WDFY3: variants seen among roughly 807,000 people sequenced by gnomAD.
WDFY3 encodes the protein WD repeat and FYVE domain containing 3.
A neutral mutation model predicts 409.6 loss-of-function variants in WDFY3; 66 were observed. The observed-to-expected ratio is 0.16, with a 90% confidence interval of 0.13 to 0.20. WDFY3 has a LOEUF of 0.20. WDFY3 is among the 10% of genes least tolerant of loss of function. WDFY3 has a pLI of 1.00. For synonymous variants in WDFY3, 1,521 were observed against 1,537.1 expected, an observed-to-expected ratio of 0.99 and a Z score of 0.25; for missense variants, 3,031 against 4,298.1, an observed-to-expected ratio of 0.71 and a Z score of 8.24.
intron 1 of WDFY3, among the ~76,000 whole-genome samples, chr4:84,932,772 G>A (rs1770923908): frequency 6.6e-6 from 1 of 152,110 alleles, no homozygotes; most frequent in African/African-American, 2.4e-5. Context: ...ATTTCTCTAG[G>A]TGTATTTTTC....
intron 30 of WDFY3, among the ~76,000 whole-genome samples, chr4:84,771,769 G>A (rs1220983880): frequency 1.3e-5 from 2 of 152,194 alleles, no homozygotes; most frequent in Non-Finnish European, 2.9e-5. Context: ...TTCAATAAGT[G>A]TTATTCATTG....
intron 5 of WDFY3, among the ~76,000 whole-genome samples, chr4:84,847,923 T>A (rs1407089224): frequency 1.4e-5 from 2 of 144,494 alleles, no homozygotes; most frequent in Admixed American, 6.8e-5. Context: ...AAAAATATAA[T>A]GTCACAAATG....
intron 1 of WDFY3, among the ~76,000 whole-genome samples, chr4:84,938,006 C>A (rs982033863): frequency 6.6e-6 from 1 of 152,056 alleles, no homozygotes; most frequent in Non-Finnish European, 1.5e-5. Flanking sequence ...TGCTTTGGGG[C>A]CATTATTAAG....
chr4:84,764,626 C>T (rs188565450), intron 32 of WDFY3, among the ~76,000 whole-genome samples: 12 of 151,950 alleles, frequency 7.9e-5, no homozygotes, highest in African/African-American at 2.7e-4. Flanking sequence ...CTTTAGGAGG[C>T]GAAGGCGGGT....
intron 7 of WDFY3, among the ~76,000 whole-genome samples, chr4:84,833,721 G>GAGAAGGGAAC (rs1756139776): frequency 6.6e-6 from 1 of 150,386 alleles, no homozygotes; most frequent in Non-Finnish European, 1.5e-5. Flanking sequence ...CAGAACAGAA[G>GAGAAGGGAAC]AGAACAGAAG....
At chr4:84,824,320 T>G (rs763325170) in intron 10 of WDFY3, among the ~76,000 whole-genome samples, 1 of 152,180 alleles carries the variant, frequency 6.6e-6, no homozygotes. Context: ...ATTTTACTAT[T>G]ATTGTTGTTA....
intron 4 of WDFY3, among the ~76,000 whole-genome samples, chr4:84,855,822 T>C (rs1436476354): frequency 6.6e-6 from 1 of 152,214 alleles, no homozygotes; most frequent in Non-Finnish European, 1.5e-5. Flanking sequence ...ATTTATCTTA[T>C]GCTCTTTTTG....
intron 3 of WDFY3, among the ~76,000 whole-genome samples, chr4:84,888,086 C>T (rs1764462582): frequency 6.6e-6 from 1 of 152,170 alleles, no homozygotes. Context: ...ATGTTACATA[C>T]ATGTAACTAC....
In WDFY3 at chr4:84,809,945, G is replaced by A. The variant is rs201578179; in HGVS notation, c.2287C>T (p.Arg763Trp). 65 of 1,614,094 alleles carry A rather than the reference G, an allele frequency of 4.0e-5. No individual in the cohort carries two copies. Among genetic ancestry groups the A allele is most frequent in the African/African-American group, 6.7e-5 (5 of 75,014 alleles). The change falls in exon 14 of 68, where the codon CGG (arginine) becomes TGG (tryptophan). Residue 763 changes from arginine (R) to tryptophan (W), a missense_variant. Physicochemically the swap from Arg to Trp is moderately radical, Grantham distance 101. Coordinates refer to ENST00000295888, the MANE Select transcript of WDFY3 (RefSeq NM_014991.6). ...ISIESVSPTL[R>W]HCSKLFIYLY... ...TAAATAAAAAGTTTACTGCAGTGCCGTAACGTGGGTGACACTGATTCTATT... is the reference window on the plus strand; with the variant it reads ...TAAATAAAAAGTTTACTGCAGTGCCATAACGTGGGTGACACTGATTCTATT...
At chr4:84,796,379 T>C (rs1448953533) in intron 19 of WDFY3, 142 bp downstream of exon 19, 10 of 484,000 alleles carry the variant, frequency 2.1e-5, no homozygotes, top group Non-Finnish European at 3.4e-5. Flanking sequence ...TAAAATAGCA[T>C]GCTCAAAAAA....
intron 44 of WDFY3, among the ~76,000 whole-genome samples, chr4:84,727,123 C>T (rs1037595121): frequency 3.3e-5 from 5 of 152,004 alleles, no homozygotes; most frequent in African/African-American, 7.3e-5. Flanking sequence ...AGCTTAAATA[C>T]GGCAAACGTC....
At chr4:84,851,763 T>C (rs1442901854) in intron 4 of WDFY3, among the ~76,000 whole-genome samples, 3 of 151,692 alleles carry the variant, frequency 2.0e-5, no homozygotes, top group South Asian at 2.1e-4. Context: ...ATTATACTAG[T>C]CCCCCCTTAT....
chr4:84,774,936 G>C lies in WDFY3; in HGVS notation c.4638C>G (p.Ile1546Met), dbSNP rs773355767. Residue 1546 changes from isoleucine to methionine, a missense_variant, in exon 29 of 68, where the codon ATC becomes ATG. By Grantham distance (10) the Ile-to-Met change is conservative. Coordinates refer to ENST00000295888, the MANE Select transcript of WDFY3 (RefSeq NM_014991.6). ...CTCGAAGAGTCAGGAGCAGCTTTGGGATTAACTGGAATTCTCTCATTAATT... is the reference window on the plus strand; with the variant it reads ...CTCGAAGAGTCAGGAGCAGCTTTGGCATTAACTGGAATTCTCTCATTAATT... ...NAKLMREFQL[I>M]PKLLLTLRDM... The C allele has an allele frequency of 1.2e-6, 2 of 1,613,944 alleles. No homozygotes were observed. The highest frequency in any genetic ancestry group is 3.3e-5 in the Admixed American group (2 of 60,016).
intron 13 of WDFY3, among the ~76,000 whole-genome samples, chr4:84,811,207 C>T (rs573489157): frequency 6.6e-6 from 1 of 152,208 alleles, no homozygotes; most frequent in African/African-American, 2.4e-5. Flanking sequence ...CCATATTGGC[C>T]AGGCTAGTCT....
intron 7 of WDFY3, among the ~76,000 whole-genome samples, chr4:84,834,315 T>C (rs996884112): frequency 6.1e-4 from 93 of 152,294 alleles, no homozygotes; most frequent in Non-Finnish European, 1.1e-3. Context: ...TCTAGTACGA[T>C]CCTTTCATTT....
intron 49 of WDFY3, 118 bp downstream of exon 49, chr4:84,716,778 G>GAC (rs1042233557): frequency 1.2e-6 from 1 of 864,476 alleles, no homozygotes; most frequent in African/African-American, 1.8e-5. Context: ...CAGCCTGGGC[G>GAC]ACAGAGTGAG....
At chr4:84,673,403 T>G in intron 67 of WDFY3, among the ~76,000 whole-genome samples, 1 of 152,154 alleles carries the variant, frequency 6.6e-6, no homozygotes. Flanking sequence ...AAAAACTCAC[T>G]AGCGGAAATT....
chr4:84,882,525 T>C, intron 3 of WDFY3, among the ~76,000 whole-genome samples: 1 of 152,216 alleles, frequency 6.6e-6, no homozygotes, highest in South Asian at 2.1e-4. Flanking sequence ...AAATTATATG[T>C]ATATTATGTA....
intron 1 of WDFY3, among the ~76,000 whole-genome samples, chr4:84,947,777 G>C (rs1204057521): frequency 1.3e-5 from 2 of 150,962 alleles, no homozygotes; most frequent in African/African-American, 4.9e-5. Context: ...AGCTACTCAG[G>C]GGCTTAAGGA....
Sources: gnomAD v4.1 joint callset for allele counts (sites outside exome capture counted in the v4.1 genomes callset) on GRCh38, gnomAD v4.1.1 for gene constraint, MANE v1.5 for transcripts, NCBI Gene and HGNC (gene_info 2026-07-23, HGNC 2026-07-21) for gene names.